The following PALB2 variants were observed in gnomAD, a reference collection of about 807,000 sequenced individuals.
The protein encoded by PALB2 is partner and localizer of BRCA2.
Under a neutral mutation model 107.4 loss-of-function variants are expected in PALB2, and 82 were observed. That is an observed-to-expected ratio of 0.76 (90% CI 0.64 to 0.92). The LOEUF is 0.92. Ranked by LOEUF, PALB2 falls within the 40% of genes least tolerant of loss-of-function variation. PALB2 has a pLI of 0.00. For synonymous variants in PALB2, 489 were observed against 496.8 expected, an observed-to-expected ratio of 0.98 and a Z score of 0.21; for missense variants, 1,374 against 1,379.9, an observed-to-expected ratio of 1.00 and a Z score of 0.07.
intron 5 of PALB2, 67 bp downstream of exon 5, chr16:23,629,573 T>C (rs1966855150): frequency 6.8e-6 from 10 of 1,468,840 alleles, no homozygotes; most frequent in Non-Finnish European, 8.5e-6. Context: ...AAGCAAGTCA[T>C]GCTGTTTACA....
At position 23,629,741 on chromosome 16, in the gene PALB2, C is replaced by A. The variant is rs876659475; in HGVS notation, c.2413G>T (p.Val805Phe). 6.2e-7 allele frequency: 1 copy of A among 1,614,064 alleles called. No homozygotes were observed. Among genetic ancestry groups the A allele is most frequent in the African/African-American group, 1.3e-5 (1 of 74,926 alleles). The change falls in exon 5 of 13, where the codon GTC becomes TTC. Residue 805 changes from valine to phenylalanine, a missense_variant. Coordinates refer to ENST00000261584, the MANE Select transcript of PALB2 (RefSeq NM_024675.4). ...ATGGGTGGAGGTGTTCCTGGCGGGA[C>A]AGAGTCACAGTCACAGGTAGGTTGT... ...QGQPTCDCDS[V>F]PPGTPPPIES...
chr16:23,614,751 C>T (rs1286971237), intron 10 of PALB2, among the ~76,000 whole-genome samples: 2 of 143,920 alleles, frequency 1.4e-5, no homozygotes, highest in South Asian at 2.2e-4. Flanking sequence ...CCCGGGTTCA[C>T]GCCATTCTCC....
intron 7 of PALB2, 128 bp downstream of exon 7, chr16:23,626,108 T>C (rs1488548401): frequency 1.9e-6 from 2 of 1,076,272 alleles, no homozygotes; most frequent in Non-Finnish European, 2.8e-6. Flanking sequence ...CATAATAAAA[T>C]GTTGGGAAAA....
At chr16:23,634,078 A>C (rs1966922409) in intron 4 of PALB2, among the ~76,000 whole-genome samples, 1 of 152,200 alleles carries the variant, frequency 6.6e-6, no homozygotes, top group Non-Finnish European at 1.5e-5. Flanking sequence ...TGAAGCTTCT[A>C]CCCAAAGAAT....
rs147120218 is a variant in PALB2, at chr16:23,629,898, T to C, written c.2256A>G (p.Gly752=). 511 of 1,614,196 alleles carry C rather than the reference T, an allele frequency of 3.2e-4. No individual in the cohort carries two copies. The African/African-American group carries it at 6.3e-3, about 20-fold the overall frequency. Residue 752 remains glycine (G), a synonymous_variant, in exon 5 of 13, where the codon GGA becomes GGG. Transcript: ENST00000261584. ...CAAGTTGGGGTGTGCAGCAAGTTCG[T>C]CCAGCAACTTCTGTAGATGCTTTTT... The part of the protein sequence containing the change: ...SYEKASTEVA[G]RTCCTPQLAH...
intron 5 of PALB2, 47 bp from the exon 6 acceptor site, chr16:23,629,322 G>T: frequency 6.7e-7 from 1 of 1,501,146 alleles, no homozygotes; most frequent in Non-Finnish European, 9.3e-7. Flanking sequence ...TATGTATAAT[G>T]TCTGCCTGCA....
chr16:23,639,517 GAAAAAAAAAAAA>G (rs1186283940), intron 1 of PALB2, among the ~76,000 whole-genome samples: 1 of 43,766 alleles, frequency 2.3e-5, no homozygotes, highest in Non-Finnish European at 4.4e-5. Context: ...GACTCTGCTT[GAAAAAAAAAAAA>G]AAAAAAAAGG....
chr16:23,616,356 T>C (rs918604693), intron 10 of PALB2, among the ~76,000 whole-genome samples: 1 of 152,240 alleles, frequency 6.6e-6, no homozygotes, highest in South Asian at 2.1e-4. Flanking sequence ...ATGGGCCAGA[T>C]ACTGTGTATA....
At chr16:23,627,293 C>A (rs1324110934) in intron 6 of PALB2, among the ~76,000 whole-genome samples, 1 of 151,604 alleles carries the variant, frequency 6.6e-6, no homozygotes, top group Non-Finnish European at 1.5e-5. Context: ...CGAGACCATC[C>A]TGGCTAACAA....
chr16:23,608,801 T>TATATACACAC (rs560756242), intron 11 of PALB2, among the ~76,000 whole-genome samples: 6 of 143,762 alleles, frequency 4.2e-5, no homozygotes, highest in Non-Finnish European at 9.0e-5. Flanking sequence ...TGTATATATA[T>TATATACACAC]ACACACACAC....
In PALB2 at chr16:23,603,278, A is replaced by T; in HGVS notation, c.*181T>A. The T allele has an allele frequency of 1.7e-6, 1 of 594,604 alleles. No homozygotes were observed. Among genetic ancestry groups the T allele is most frequent in the Non-Finnish European group, 3.0e-6 (1 of 337,850 alleles). 36.8% of individuals were successfully genotyped at this position (594,604 alleles called of 1,614,324 possible). A position where few individuals can be genotyped will look rare whatever the true frequency, so the allele number is the denominator to read the frequency against. On this transcript the variant is annotated 3_prime_UTR_variant, in exon 13 of 13. Coordinates refer to ENST00000261584, the MANE Select transcript of PALB2 (RefSeq NM_024675.4). ...CCTAAAACCCTTTTTCTCAAAGTAT[A>T]CATAAATGTACATCCAAGATCAGTG...
At chr16:23,637,783 A>T in intron 3 of PALB2, 67 bp downstream of exon 3, 1 of 1,260,796 alleles carries the variant, frequency 7.9e-7, no homozygotes, top group Non-Finnish European at 1.2e-6. Context: ...TGGGAAAAAG[A>T]ACAATAGCCA....
In PALB2 at chr16:23,635,978, A is replaced by T. The variant is rs1967037502; in HGVS notation, c.568T>A (p.Ser190Thr). 1 of 1,614,136 alleles carries T rather than the reference A, an allele frequency of 6.2e-7. No homozygotes were observed. The highest frequency in any genetic ancestry group is 1.3e-5 in the African/African-American group (1 of 75,026). ...TGAGTTCTTATTTCAGTTACTGGTG[A>T]TCTAGCAGGATTTTTGCTACTGATT... is the stretch of plus-strand genomic sequence containing the variant. ...EEISSKNPAR[S>T]PVTEIRTHLL... The change falls in exon 4 of 13, where the codon TCA (serine) becomes ACA (threonine). Residue 190 changes from serine (S) to threonine (T), a missense_variant. Ser to Thr is a moderately conservative substitution (Grantham distance 58, BLOSUM62 1). Coordinates refer to ENST00000261584, the MANE Select transcript of PALB2 (RefSeq NM_024675.4).
rs1203633436 is a variant in PALB2, at chr16:23,607,870, G to A, written c.3344C>T (p.Ala1115Val). 6.2e-7 allele frequency: 1 copy of A among 1,613,896 alleles called. No individual in the cohort carries two copies. The highest frequency in any genetic ancestry group is 1.3e-5 in the African/African-American group (1 of 75,012). Residue 1115 changes from alanine to valine, a missense_variant, in exon 12 of 13, where the codon GCT (alanine) becomes GTT (valine). Coordinates refer to ENST00000261584, the MANE Select transcript of PALB2 (RefSeq NM_024675.4). The part of the protein sequence containing the change: ...VMLYCLPPGQ[A>V]GRFLEGDVKD... ...AGCAGTTATGCACACTTGCCTGCCA[G>A]CCTGCCCTGGAGGAAGACAGTACAG...
rs1057523580 is a variant in PALB2 at position 23,641,091 on chromosome 16, C to G, written c.48+19G>C. 2 of 1,612,576 alleles carry G rather than the reference C, an allele frequency of 1.2e-6. No homozygotes were observed. Among genetic ancestry groups the G allele is most frequent in the Non-Finnish European group, 1.7e-6 (2 of 1,179,442 alleles). On this transcript the variant is annotated intron_variant, in intron 1 of 12. Transcript: ENST00000261584. The stretch of plus-strand genomic sequence containing the variant: ...GCGGGGTCAGAGTCCTGCGTCCGCC[C>G]TTCCCGCACCCCCGGCACCTTTTCC...
chr16:23,638,557 C>A (rs1327263101), intron 1 of PALB2: 1 of 458,334 alleles, frequency 2.2e-6, no homozygotes, highest in East Asian at 6.9e-5. Flanking sequence ...AATGAATCTT[C>A]TATTTATCCG....
At position 23,636,207 on chromosome 16, in the gene PALB2, T is replaced by C. The variant is rs376182266; in HGVS notation, c.339A>G (p.Pro113=). ...GPESFNPGDG[P]GGLPIQRTDD... ...CTGTTCTTTGTATAGGTAATCCTCC[T>C]GGGCCATCTCCAGGGTTAAAGGACT... Residue 113 remains proline, a synonymous_variant, in exon 4 of 13, where the codon CCA becomes CCG. Coordinates refer to ENST00000261584, the MANE Select transcript of PALB2 (RefSeq NM_024675.4). 6.2e-7 allele frequency: 1 copy of C among 1,613,420 alleles called. No individual in the cohort carries two copies. The highest frequency in any genetic ancestry group is 1.7e-5 in the Admixed American group (1 of 59,862).
chr16:23,622,502 C>T (rs553418409), intron 9 of PALB2, among the ~76,000 whole-genome samples: 1 of 152,222 alleles, frequency 6.6e-6, no homozygotes, highest in South Asian at 2.1e-4. Context: ...TCAAGTGATC[C>T]TTCCACCTCA....
intron 10 of PALB2, among the ~76,000 whole-genome samples, chr16:23,615,546 C>A (rs984697132): frequency 3.9e-5 from 6 of 151,966 alleles, no homozygotes; most frequent in Admixed American, 3.3e-4. Context: ...CTCAAGCAAT[C>A]CTCCCACCTC....
Sources: gnomAD v4.1 joint callset for allele counts (sites outside exome capture counted in the v4.1 genomes callset) on GRCh38, gnomAD v4.1.1 for gene constraint, MANE v1.5 for transcripts, NCBI Gene and HGNC (gene_info 2026-07-23, HGNC 2026-07-21) for gene names.